Variants in CDH2 observed in about 807,000 individuals in gnomAD.
CDH2 encodes cadherin-2.
CDH2 carries 17 observed loss-of-function variants against 92.0 expected under a neutral mutation model. The observed-to-expected ratio is 0.18, with a 90% CI of 0.13 to 0.28. The LOEUF (loss-of-function observed/expected upper bound fraction) is 0.28. CDH2 is among the 10% of genes least tolerant of loss of function. The pLI is 1.00. For missense variants in CDH2, 862 were observed against 1,133.1 expected (o/e 0.76, Z 3.44); for synonymous variants, 419 against 415.9 (o/e 1.01, Z -0.09).
At chr18:28,162,804 G>A (rs1487837340) in intron 1 of CDH2, among the ~76,000 whole-genome samples, 2 of 152,192 alleles carry the variant, frequency 1.3e-5, no homozygotes, top group African/African-American at 4.8e-5. Flanking sequence ...AGTGGTTTCA[G>A]CCAATCTCTG....
chr18:28,012,361 A>C (rs2013125682), intron 3 of CDH2, among the ~76,000 whole-genome samples: 1 of 152,220 alleles, frequency 6.6e-6, no homozygotes, highest in South Asian at 2.1e-4. Flanking sequence ...TGTACATTAA[A>C]TTTAGATCTT....
At chr18:27,935,086 C>T (rs966004485) in intron 6 of CDH2, among the ~76,000 whole-genome samples, 1 of 152,146 alleles carries the variant, frequency 6.6e-6, no homozygotes, top group Admixed American at 6.5e-5. Context: ...TGTGAATGTT[C>T]CTTTTTTCCC....
At chr18:28,007,165 A>AAAAAAAAAAAATATATATATATATATAT (rs1172779200) in intron 5 of CDH2, among the ~76,000 whole-genome samples, 1 of 110,502 alleles carries the variant, frequency 9.0e-6, no homozygotes, top group African/African-American at 4.4e-5. Context: ...ATAAAAAAAA[A>AAAAAAAAAAAATATATATATATATATAT]ATATATATAT....
intron 2 of CDH2, among the ~76,000 whole-genome samples, chr18:28,092,059 A>C (rs375960509): frequency 7.2e-5 from 11 of 151,844 alleles, no homozygotes; most frequent in African/African-American, 2.7e-4. Flanking sequence ...AGTAGGGCCC[A>C]CCTGATGAAG....
intron 2 of CDH2, among the ~76,000 whole-genome samples, chr18:28,115,214 CT>C (rs2015477086): frequency 6.6e-6 from 1 of 152,110 alleles, no homozygotes. Context: ...GAGGCTGCAG[CT>C]TTTTATGAAA....
chr18:28,069,872 G>A lies in CDH2; in HGVS notation c.173-55963C>T, dbSNP rs535824174. ...CCACCCCATCAGAAACTCCCCTCAA[G>A]GTACCATTTCCCTGAGAATGCCATA... On this transcript the variant is annotated intron_variant, in intron 2 of 15. Coordinates refer to ENST00000269141, the MANE Select transcript of CDH2 (RefSeq NM_001792.5). 2.6e-5 allele frequency among the ~76,000 whole-genome samples: 4 copies of A among 152,172 alleles called. No homozygotes were observed. In the East Asian group the frequency reaches 7.7e-4, roughly 29 times the overall value.
chr18:27,956,897 G>A (rs1311325788), intron 15 of CDH2, among the ~76,000 whole-genome samples: 3 of 152,028 alleles, frequency 2.0e-5, no homozygotes, highest in Non-Finnish European at 2.9e-5. Flanking sequence ...CCTGCTGTTG[G>A]GTAACCTACA....
At chr18:28,161,292 A>G (rs1349283513) in intron 1 of CDH2, among the ~76,000 whole-genome samples, 2 of 152,022 alleles carry the variant, frequency 1.3e-5, no homozygotes, top group Non-Finnish European at 2.9e-5. Flanking sequence ...TTTAAAAAGT[A>G]AAGCTGGCCG....
chr18:28,176,876 G>T, intron 1 of CDH2, 87 bp downstream of exon 1: 1 of 717,246 alleles, frequency 1.4e-6, no homozygotes, highest in Non-Finnish European at 1.8e-6. Context: ...TGCGCAGCCC[G>T]GCCCCGCAGC....
chr18:28,103,414 A>T (rs987238292), intron 2 of CDH2, among the ~76,000 whole-genome samples: 12 of 143,986 alleles, frequency 8.3e-5, no homozygotes, highest in Non-Finnish European at 1.5e-4. Flanking sequence ...GTATGTATAT[A>T]TATAAAGTAT....
chr18:27,965,801 G>T (rs373286829), intron 14 of CDH2, among the ~76,000 whole-genome samples: 26 of 151,918 alleles, frequency 1.7e-4, no homozygotes, highest in African/African-American at 5.3e-4. Context: ...TGGCCAATAT[G>T]GTGAAACCCC....
At chr18:28,123,508 T>A (rs1292387845) in intron 2 of CDH2, among the ~76,000 whole-genome samples, 1 of 152,192 alleles carries the variant, frequency 6.6e-6, no homozygotes, top group African/African-American at 2.4e-5. Flanking sequence ...TCATTCTTCA[T>A]TACTAGAGAG....
intron 2 of CDH2, among the ~76,000 whole-genome samples, chr18:28,079,134 C>A (rs1174867778): frequency 1.3e-5 from 2 of 152,174 alleles, no homozygotes; most frequent in Non-Finnish European, 2.9e-5. Flanking sequence ...AAATTGTCTA[C>A]AATTCCAACC....
At chr18:27,995,758 A>G (rs911437449) in intron 7 of CDH2, among the ~76,000 whole-genome samples, 1 of 152,206 alleles carries the variant, frequency 6.6e-6, no homozygotes, top group Non-Finnish European at 1.5e-5. Flanking sequence ...GAAATTTTAA[A>G]TTACAAAAGG....
chr18:28,021,918 A>G (rs1431677412), intron 2 of CDH2, among the ~76,000 whole-genome samples: 1 of 152,056 alleles, frequency 6.6e-6, no homozygotes, highest in African/African-American at 2.4e-5. Flanking sequence ...GCATTGAGAA[A>G]ATAGAAATAG....
intron 2 of CDH2, among the ~76,000 whole-genome samples, chr18:28,060,851 C>T (rs1338462584): frequency 1.3e-5 from 2 of 152,150 alleles, no homozygotes; most frequent in Non-Finnish European, 2.9e-5. Flanking sequence ...GTATTCACTG[C>T]TATTGGATAC....
intron 2 of CDH2, among the ~76,000 whole-genome samples, chr18:28,053,135 T>C (rs763317816): frequency 7.9e-5 from 12 of 152,090 alleles, no homozygotes; most frequent in Non-Finnish European, 1.3e-4. Context: ...TTCCAGCCTT[T>C]AGAACTATGA....
Position 27,993,534 on chromosome 18 carries a change from A to T in CDH2, c.1124T>A (p.Val375Asp). Residue 375 changes from valine (V) to aspartate (D), a missense_variant, in exon 8 of 16, where the codon GTC becomes GAC. Physicochemically the swap from Val to Asp is radical, Grantham distance 152. Coordinates refer to ENST00000269141, the MANE Select transcript of CDH2 (RefSeq NM_001792.5). The part of the protein sequence containing the change: ...TATAVITVTD[V>D]NDNPPEFTAM... ...AGTAAACTCTGGAGGATTGTCATTG[A>T]CATCTGTCACTGTGATGACGGCCGT... is the stretch of plus-strand genomic sequence containing the variant. The T allele has an allele frequency of 1.2e-6, 2 of 1,614,132 alleles. No homozygotes were observed. The highest frequency in any genetic ancestry group is 1.7e-6 in the Non-Finnish European group (2 of 1,179,994).
intron 5 of CDH2, among the ~76,000 whole-genome samples, chr18:28,007,156 T>TAAAAAAAAAAA (rs753614802): frequency 5.6e-5 from 6 of 106,676 alleles, no homozygotes; most frequent in African/African-American, 8.4e-5. Flanking sequence ...TGAGACTCCA[T>TAAAAAAAAAAA]AAAAAAAAAA....
Sources: gnomAD v4.1 joint callset for allele counts (sites outside exome capture counted in the v4.1 genomes callset) on GRCh38, gnomAD v4.1.1 for gene constraint, MANE v1.5 for transcripts, NCBI Gene and HGNC (gene_info 2026-07-23, HGNC 2026-07-21) for gene names.